The following CPNE4 variants were observed in gnomAD, a reference collection of about 807,000 sequenced individuals.
The protein encoded by CPNE4 is copine-4.
A neutral mutation model predicts 67.9 loss-of-function variants in CPNE4; 25 were observed. That is an observed-to-expected ratio of 0.37 (90% CI 0.27 to 0.51). The LOEUF is 0.51. Ranked by LOEUF, CPNE4 falls within the 20% of genes least tolerant of loss-of-function variation. The probability of loss-of-function intolerance (pLI) is 0.93; values close to 1 mark genes in which losing one functional copy is unlikely to be tolerated. For missense variants in CPNE4, 464 were observed against 690.8 expected, an observed-to-expected ratio of 0.67 and a Z score of 3.68; for synonymous variants, 242 against 244.9, an observed-to-expected ratio of 0.99 and a Z score of 0.11.
intron 1 of CPNE4, among the ~76,000 whole-genome samples, chr3:132,028,880 A>AT (rs1056796260): frequency 4.3e-4 from 64 of 148,032 alleles, no homozygotes; most frequent in African/African-American, 1.6e-3. Context: ...CGATTACATG[A>AT]TTTTTTAAAA....
chr3:131,881,801 C>T (rs939493325), intron 2 of CPNE4, among the ~76,000 whole-genome samples: 1 of 152,100 alleles, frequency 6.6e-6, no homozygotes, highest in Non-Finnish European at 1.5e-5. Context: ...ACTCCCCTTA[C>T]GTAAGAGAGG....
intron 1 of CPNE4, among the ~76,000 whole-genome samples, chr3:131,943,342 A>C (rs1005722083): frequency 3.3e-5 from 5 of 152,128 alleles, no homozygotes; most frequent in Non-Finnish European, 5.9e-5. Context: ...TGGTTTCAGA[A>C]TTTAAAATAT....
chr3:132,007,214 C>T (rs2073633051), intron 1 of CPNE4, among the ~76,000 whole-genome samples: 1 of 152,112 alleles, frequency 6.6e-6, no homozygotes, highest in African/African-American at 2.4e-5. Context: ...ACTTGAAGCC[C>T]AAAATCTGGA....
At chr3:131,702,080 A>G (rs2081315641) in intron 3 of CPNE4, among the ~76,000 whole-genome samples, 2 of 152,086 alleles carry the variant, frequency 1.3e-5, no homozygotes, top group Admixed American at 1.3e-4. Context: ...AGTCCAGAGA[A>G]CTTCCCTAGG....
At chr3:131,729,301 G>A (rs2107757660) in intron 2 of CPNE4, among the ~76,000 whole-genome samples, 1 of 152,234 alleles carries the variant, frequency 6.6e-6, no homozygotes, top group Non-Finnish European at 1.5e-5. Context: ...TGAGGGTAGG[G>A]AGAAACTAAT....
chr3:132,015,311 A>T (rs1052864117), intron 1 of CPNE4, among the ~76,000 whole-genome samples: 2 of 152,190 alleles, frequency 1.3e-5, no homozygotes, highest in African/African-American at 4.8e-5. Flanking sequence ...TCCTTTTGAC[A>T]ACAGCATTCT....
At chr3:131,562,907 C>T (rs1035981992) in intron 11 of CPNE4, among the ~76,000 whole-genome samples, 2 of 151,952 alleles carry the variant, frequency 1.3e-5, no homozygotes, top group Admixed American at 6.6e-5. Flanking sequence ...CCTGGATGTA[C>T]AGGAGAGGAA....
intron 2 of CPNE4, among the ~76,000 whole-genome samples, chr3:131,787,155 TAA>T (rs1489874921): frequency 6.6e-6 from 1 of 152,226 alleles, no homozygotes. Context: ...TCTCCAGAAT[TAA>T]GTTTTTATAG....
At chr3:131,906,408 C>A (rs13069752) in intron 1 of CPNE4, among the ~76,000 whole-genome samples, 5 of 124,774 alleles carry the variant, frequency 4.0e-5, no homozygotes, top group Non-Finnish European at 6.7e-5. Flanking sequence ...CCCCCCCTCC[C>A]CCCACCCCAC....
intron 7 of CPNE4, among the ~76,000 whole-genome samples, chr3:131,593,254 G>A (rs375819524): frequency 1.3e-5 from 2 of 152,182 alleles, no homozygotes. Flanking sequence ...TACTTCTGTA[G>A]TACAGACATT....
intron 2 of CPNE4, among the ~76,000 whole-genome samples, chr3:131,813,280 G>C (rs1351022494): frequency 1.3e-5 from 2 of 151,314 alleles, no homozygotes; most frequent in Non-Finnish European, 3.0e-5. Flanking sequence ...TGTAAAATAT[G>C]TTTCCATAGT....
At chr3:131,622,989 C>T (rs1459404420) in intron 7 of CPNE4, among the ~76,000 whole-genome samples, 2 of 152,130 alleles carry the variant, frequency 1.3e-5, no homozygotes, top group Non-Finnish European at 2.9e-5. Context: ...CTAGAAGAGA[C>T]AGAAGCATGA....
intron 10 of CPNE4, among the ~76,000 whole-genome samples, chr3:131,571,066 G>A (rs1014412230): frequency 4.6e-5 from 7 of 151,816 alleles, no homozygotes; most frequent in Non-Finnish European, 5.9e-5. Flanking sequence ...CACCTATCTC[G>A]TTATGCTGAA....
In CPNE4 at chr3:131,905,362, G is replaced by A; in HGVS notation, c.82C>T (p.Leu28=). The A allele has an allele frequency of 1.2e-6, 2 of 1,613,576 alleles. No individual in the cohort carries two copies. Among genetic ancestry groups the A allele is most frequent in the Non-Finnish European group, 8.5e-7 (1 of 1,179,696 alleles). ...GAAATGCCTTTGCACGCCACACGCA[G>A]CTCAACTTTGGTCAGGCAGGGGCTG... ...FNSPCLTKVE[L]RVACKGISDR... Residue 28 remains leucine (L), a synonymous_variant, in exon 2 of 16, where the codon CTG becomes TTG. Coordinates refer to ENST00000429747, the MANE Select transcript of CPNE4 (RefSeq NM_130808.3).
intron 10 of CPNE4, among the ~76,000 whole-genome samples, chr3:131,571,806 C>T (rs79979997): frequency 9.9e-4 from 151 of 152,068 alleles, no homozygotes; most frequent in Non-Finnish European, 1.8e-3. Flanking sequence ...ATGCATTATC[C>T]ACCAAATTAC....
At chr3:131,724,459 CA>C (rs1285081565) in intron 2 of CPNE4, among the ~76,000 whole-genome samples, 1 of 152,124 alleles carries the variant, frequency 6.6e-6, no homozygotes, top group Non-Finnish European at 1.5e-5. Flanking sequence ...ACATCTCTGC[CA>C]CTTTCTGCAC....
chr3:131,926,369 G>A (rs1338958529), intron 1 of CPNE4, among the ~76,000 whole-genome samples: 3 of 152,016 alleles, frequency 2.0e-5, no homozygotes, highest in South Asian at 2.1e-4. Flanking sequence ...TACTAGAACC[G>A]ACACACTAAG....
At chr3:131,631,074 C>T (rs58928704) in intron 7 of CPNE4, among the ~76,000 whole-genome samples, 6,705 of 152,310 alleles carry the variant, frequency 0.044, 475 homozygotes, top group African/African-American at 0.15. Flanking sequence ...CAGGCCTTTA[C>T]TTCTGTGGAA....
At chr3:131,947,930 GA>G (rs762909174) in intron 1 of CPNE4, among the ~76,000 whole-genome samples, 27 of 152,088 alleles carry the variant, frequency 1.8e-4, no homozygotes, top group Non-Finnish European at 3.4e-4. Flanking sequence ...AAAGGTCATT[GA>G]AATCTTTTAT....
Sources: allele counts gnomAD v4.1 joint callset (sites outside exome capture counted in the v4.1 genomes callset), GRCh38; gene constraint gnomAD v4.1.1; transcripts MANE v1.5; gene names NCBI Gene and HGNC (gene_info 2026-07-23, HGNC 2026-07-21).